PDE4D: variants seen among roughly 807,000 people sequenced by gnomAD.
The protein encoded by PDE4D is 3',5'-cyclic-AMP phosphodiesterase 4D.
A neutral mutation model predicts 87.4 loss-of-function variants in PDE4D; 24 were observed. The observed-to-expected ratio is 0.27, with a 90% CI of 0.20 to 0.39. The LOEUF (loss-of-function observed/expected upper bound fraction) is 0.39. Among genes scored for constraint, PDE4D ranks in the 10% least tolerant of loss-of-function variants. The pLI, the probability that PDE4D is intolerant of heterozygous loss-of-function variation, is 1.00. For missense variants in PDE4D, 714 were observed against 1,041.0 expected, an observed-to-expected ratio of 0.69 and a Z score of 4.32; for synonymous variants, 384 against 383.2, an observed-to-expected ratio of 1.00 and a Z score of -0.02.
At chr5:59,394,697 T>C (rs1046128366) in intron 1 of PDE4D, among the ~76,000 whole-genome samples, 2 of 152,156 alleles carry the variant, frequency 1.3e-5, no homozygotes, top group African/African-American at 4.8e-5. Context: ...TTAAAATCTA[T>C]CAACTTTATG....
intron 1 of PDE4D, among the ~76,000 whole-genome samples, chr5:60,348,539 G>T (rs1423821357): frequency 6.6e-6 from 1 of 152,050 alleles, no homozygotes; most frequent in Non-Finnish European, 1.5e-5. Flanking sequence ...ATTTGAAACA[G>T]CTAAGTGAAC....
intron 2 of PDE4D, among the ~76,000 whole-genome samples, chr5:60,176,809 G>A (rs536112026): frequency 6.6e-6 from 1 of 152,102 alleles, no homozygotes; most frequent in Non-Finnish European, 1.5e-5. Flanking sequence ...TTTGCATAAC[G>A]CTGTAAAAGG....
intron 1 of PDE4D, among the ~76,000 whole-genome samples, chr5:60,313,195 GAA>G (rs915578049): frequency 6.7e-6 from 1 of 148,972 alleles, no homozygotes; most frequent in Non-Finnish European, 1.5e-5. Context: ...GACAAACAAA[GAA>G]AAAAAAAGAG....
In PDE4D at chr5:59,941,539, A is replaced by G. The variant is rs371125980; in HGVS notation, c.272+46949T>C. Among the ~76,000 whole-genome samples the G allele has an allele frequency of 1.5e-4, 23 of 152,306 alleles. No homozygotes were observed. In the East Asian group the frequency reaches 2.5e-3, roughly 17 times the overall value. On this transcript the variant is annotated intron_variant, in intron 3 of 16. Transcript: ENST00000502484. ...GTTCTTGAGCGCACTCTAAGGCTTGAACTTTTCCATACTTTGTTGCAAATG... is the reference window on the plus strand; with the variant it reads ...GTTCTTGAGCGCACTCTAAGGCTTGGACTTTTCCATACTTTGTTGCAAATG...
intron 1 of PDE4D, among the ~76,000 whole-genome samples, chr5:59,362,182 A>T (rs557509552): frequency 1.3e-5 from 2 of 152,318 alleles, no homozygotes; most frequent in South Asian, 4.1e-4. Context: ...AACTGGACAA[A>T]ATTTTAGGCA....
At chr5:60,365,900 C>T (rs992269612) in intron 1 of PDE4D, among the ~76,000 whole-genome samples, 1 of 151,984 alleles carries the variant, frequency 6.6e-6, no homozygotes, top group Non-Finnish European at 1.5e-5. Context: ...AAAAATTATT[C>T]GTGCATGATG....
At chr5:59,462,397 G>A (rs1386933947) in intron 1 of PDE4D, among the ~76,000 whole-genome samples, 1 of 151,888 alleles carries the variant, frequency 6.6e-6, no homozygotes, top group Non-Finnish European at 1.5e-5. Context: ...CAGATGATAG[G>A]GTGGCATACA....
intron 3 of PDE4D, among the ~76,000 whole-genome samples, chr5:59,187,326 T>C (rs1743146325): frequency 6.6e-6 from 1 of 152,154 alleles, no homozygotes; most frequent in African/African-American, 2.4e-5. Context: ...TTGTATAATT[T>C]ATATCTTCAC....
At chr5:59,701,075 T>C (rs1459178406) in intron 1 of PDE4D, among the ~76,000 whole-genome samples, 1 of 152,174 alleles carries the variant, frequency 6.6e-6, no homozygotes, top group Non-Finnish European at 1.5e-5. Flanking sequence ...TCCAGGCTCA[T>C]GTCTTGTCAC....
chr5:59,588,865 A>G (rs1266533735), intron 1 of PDE4D, among the ~76,000 whole-genome samples: 1 of 152,204 alleles, frequency 6.6e-6, no homozygotes, highest in African/African-American at 2.4e-5. Context: ...TCTCTTCCAT[A>G]AGGTCATTTG....
intron 1 of PDE4D, among the ~76,000 whole-genome samples, chr5:59,241,376 C>A (rs1757641575): frequency 6.6e-6 from 1 of 152,192 alleles, no homozygotes; most frequent in African/African-American, 2.4e-5. Context: ...GAGAACTTGG[C>A]AGTCATGGAT....
chr5:60,469,839 C>T (rs1044180155), intron 1 of PDE4D, among the ~76,000 whole-genome samples: 3 of 152,136 alleles, frequency 2.0e-5, no homozygotes, highest in African/African-American at 7.2e-5. Context: ...AATCTCTCCT[C>T]TCCTCAGGTC....
intron 1 of PDE4D, among the ~76,000 whole-genome samples, chr5:59,762,864 T>C (rs1762318308): frequency 7.9e-6 from 1 of 125,980 alleles, no homozygotes; most frequent in Non-Finnish European, 1.7e-5. Flanking sequence ...GATATATATA[T>C]ATATATATAT....
chr5:59,645,663 A>G (rs371298667), intron 1 of PDE4D, among the ~76,000 whole-genome samples: 4 of 152,162 alleles, frequency 2.6e-5, no homozygotes, highest in African/African-American at 7.2e-5. Flanking sequence ...TCCAAAATCA[A>G]TGTGCCCAGA....
chr5:59,674,463 C>T (rs1317354877), intron 1 of PDE4D, among the ~76,000 whole-genome samples: 2 of 152,194 alleles, frequency 1.3e-5, no homozygotes, highest in Non-Finnish European at 2.9e-5. Context: ...TTTATTATGT[C>T]TGTCTCTAAA....
intron 1 of PDE4D, among the ~76,000 whole-genome samples, chr5:59,550,236 T>C (rs1385157771): frequency 1.3e-5 from 2 of 152,198 alleles, no homozygotes; most frequent in Non-Finnish European, 2.9e-5. Context: ...CATACACATT[T>C]ACCTTGATAA....
At chr5:59,818,189 T>TA (rs1419684886) in intron 1 of PDE4D, among the ~76,000 whole-genome samples, 3 of 152,146 alleles carry the variant, frequency 2.0e-5, no homozygotes, top group Non-Finnish European at 4.4e-5. Context: ...TTTTGAAAAA[T>TA]AGACTGTTCT....
chr5:60,067,982 T>G (rs1582484608), intron 2 of PDE4D, among the ~76,000 whole-genome samples: 1 of 152,310 alleles, frequency 6.6e-6, no homozygotes, highest in South Asian at 2.1e-4. Context: ...AATAGACACT[T>G]AAGTTGTTTC....
At chr5:59,691,775 T>C (rs138648288) in intron 1 of PDE4D, among the ~76,000 whole-genome samples, 1 of 152,020 alleles carries the variant, frequency 6.6e-6, no homozygotes, top group African/African-American at 2.4e-5. Flanking sequence ...GATCTAGCCA[T>C]GATGTGCAAA....
Sources: gnomAD v4.1 joint callset for allele counts (sites outside exome capture counted in the v4.1 genomes callset) on GRCh38, gnomAD v4.1.1 for gene constraint, MANE v1.5 for transcripts, NCBI Gene and HGNC (gene_info 2026-07-23, HGNC 2026-07-21) for gene names.